PANX1: variants seen among roughly 807,000 people sequenced by gnomAD.
The protein encoded by PANX1 is pannexin 1, also known as pannexin-1.
A neutral mutation model predicts 38.7 loss-of-function variants in PANX1; 30 were observed. That is an observed-to-expected ratio of 0.78 (90% CI 0.58 to 1.05). The LOEUF (loss-of-function observed/expected upper bound fraction) is 1.05. Among genes scored for constraint, PANX1 ranks in the 50% least tolerant of loss-of-function variants. The pLI is 0.00. For synonymous variants in PANX1, 230 were observed against 212.2 expected, an observed-to-expected ratio of 1.08 and a Z score of -0.73; for missense variants, 551 against 517.2, an observed-to-expected ratio of 1.07 and a Z score of -0.63.
chr11:94,145,912 CA>C (rs1412866952), intron 1 of PANX1, among the ~76,000 whole-genome samples: 1 of 152,162 alleles, frequency 6.6e-6, no homozygotes, highest in Non-Finnish European at 1.5e-5. Flanking sequence ...GTTTCCATCT[CA>C]GTTTACAATT....
At chr11:94,132,596 G>A (rs11020655) in intron 1 of PANX1, among the ~76,000 whole-genome samples, 12,243 of 149,660 alleles carry the variant, frequency 0.082, 614 homozygotes, top group Non-Finnish European at 0.11. Flanking sequence ...GTTTGTGTTG[G>A]GGGGGTGGTG....
intron 1 of PANX1, among the ~76,000 whole-genome samples, chr11:94,136,949 T>C (rs7105544): frequency 0.56 from 85,330 of 151,698 alleles, 24,703 homozygotes; most frequent in Admixed American, 0.72. Context: ...AACACAGTCA[T>C]GGCGGAAGGC....
At chr11:94,150,638 C>A (rs1591512166) in intron 1 of PANX1, among the ~76,000 whole-genome samples, 1 of 152,112 alleles carries the variant, frequency 6.6e-6, no homozygotes, top group East Asian at 1.9e-4. Context: ...CCCAGCTGTG[C>A]CGGTCCCCTG....
rs772158311 is a variant in PANX1, at chr11:94,129,285, T to C, written c.-28T>C. On this transcript the variant is annotated 5_prime_UTR_variant, in exon 1 of 5. Coordinates refer to ENST00000227638, the MANE Select transcript of PANX1 (RefSeq NM_015368.4). ...TCCCGACGCCGGCTGTACCCGGACC[T>C]CCTGGTCGAGCCTGGCGCGCCGCAG... 2.0e-5 allele frequency: 31 copies of C among 1,586,690 alleles called. No homozygotes were observed. The Middle Eastern group carries it at 5.1e-4, about 26-fold the overall frequency.
chr11:94,129,503 G>C lies in PANX1; in HGVS notation c.181+10G>C. 2 of 1,601,192 alleles carry C rather than the reference G, an allele frequency of 1.2e-6. No individual in the cohort carries two copies. The highest frequency in any genetic ancestry group is 1.7e-6 in the Non-Finnish European group (2 of 1,171,300). ...CAGGAGATCTCGATTGGTAAGCCTC[G>C]CCCAGGACGGAGGGGAGTGGCCGCC... On this transcript the variant is annotated intron_variant, in intron 1 of 4. Transcript: ENST00000227638.
chr11:94,157,909 A>G (rs2134499985), intron 2 of PANX1, among the ~76,000 whole-genome samples: 1 of 152,202 alleles, frequency 6.6e-6, no homozygotes, highest in East Asian at 1.9e-4. Context: ...ATCTTGAATT[A>G]ATTTTTGTAT....
chr11:94,134,103 C>A (rs144314260), intron 1 of PANX1, among the ~76,000 whole-genome samples: 1 of 152,168 alleles, frequency 6.6e-6, no homozygotes, highest in Non-Finnish European at 1.5e-5. Context: ...GGTTATATTG[C>A]GTGTGCCTCA....
At chr11:94,166,510 G>C (rs570872866) in intron 2 of PANX1, among the ~76,000 whole-genome samples, 13 of 152,184 alleles carry the variant, frequency 8.5e-5, no homozygotes, top group Non-Finnish European at 1.6e-4. Flanking sequence ...GGTTTCCACT[G>C]AAAAGTCTGC....
At chr11:94,157,141 G>C (rs1380486351) in intron 2 of PANX1, among the ~76,000 whole-genome samples, 2 of 151,980 alleles carry the variant, frequency 1.3e-5, no homozygotes, top group Non-Finnish European at 2.9e-5. Context: ...TGGACATTTG[G>C]GTTGGTTCCA....
At position 94,180,232 on chromosome 11, in the gene PANX1, G is replaced by C; in HGVS notation, c.1176G>C (p.Gln392His). ...TPMSAEMREE[Q>H]GNQTAELQGM... ...TGTCTGCAGAGATGAGAGAGGAGCA[G>C]GGGAACCAGACGGCAGAGCTCCAAG... is the stretch of plus-strand genomic sequence containing the variant. Residue 392 changes from glutamine to histidine, a missense_variant, in exon 4 of 5, where the codon CAG becomes CAC. By Grantham distance (24) the Gln-to-His change is conservative (BLOSUM62 0). Transcript: ENST00000227638. The C allele has an allele frequency of 6.2e-7, 1 of 1,607,966 alleles. No individual in the cohort carries two copies. The highest frequency in any genetic ancestry group is 8.5e-7 in the Non-Finnish European group (1 of 1,175,244).
intron 2 of PANX1, among the ~76,000 whole-genome samples, chr11:94,171,404 C>G (rs1456218643): frequency 1.3e-5 from 2 of 151,680 alleles, no homozygotes; most frequent in Non-Finnish European, 2.9e-5. Flanking sequence ...TCTCTTAAGA[C>G]TGTAAGCTTT....
In PANX1 at chr11:94,179,632, G is replaced by A. The variant is rs752341657; in HGVS notation, c.576G>A (p.Lys192=). ...GGGAGGTATCTGAAAGCCACTTCAA[G>A]TACCCAATTGTGGAGCAGTACTTGA... ...SLWEVSESHF[K]YPIVEQYLKT... The change falls in exon 4 of 5, where the codon AAG becomes AAA. Residue 192 remains lysine (K), a synonymous_variant. Transcript: ENST00000227638. 5 of 1,613,514 alleles carry A rather than the reference G, an allele frequency of 3.1e-6. No homozygotes were observed. Among genetic ancestry groups the A allele is most frequent in the Non-Finnish European group, 4.2e-6 (5 of 1,179,782 alleles).
intron 1 of PANX1, among the ~76,000 whole-genome samples, chr11:94,130,312 G>A (rs1289780925): frequency 2.6e-5 from 4 of 152,164 alleles, no homozygotes; most frequent in Non-Finnish European, 4.4e-5. Flanking sequence ...TTTGTCAGAG[G>A]GTGGGTGGGA....
At chr11:94,173,111 C>T (rs1947187247) in intron 2 of PANX1, among the ~76,000 whole-genome samples, 1 of 151,814 alleles carries the variant, frequency 6.6e-6, no homozygotes, top group South Asian at 2.1e-4. Context: ...ACCTGAACAG[C>T]ATATAGCCAG....
rs1046805 is a variant in PANX1 at position 94,181,285 on chromosome 11, G to A, written c.*416G>A. The A allele has an allele frequency of 0.68, 112,946 of 165,214 alleles. 38,954 individuals are homozygous for A. The highest frequency in any genetic ancestry group is 0.81 in the South Asian group (4,694 of 5,792). The allele number at this position is 165,214 out of a possible 1,614,324, so 10.2% of individuals were successfully genotyped here. ...TTTCATGGAATAATAATATGTCAGG[G>A]TATAATTTAACGTGAGTTTCTTATG... is the stretch of plus-strand genomic sequence containing the variant. On this transcript the variant is annotated 3_prime_UTR_variant, in exon 5 of 5. Transcript: ENST00000227638.
At chr11:94,155,039 C>T (rs1946932082) in intron 2 of PANX1, among the ~76,000 whole-genome samples, 1 of 152,012 alleles carries the variant, frequency 6.6e-6, no homozygotes, top group Non-Finnish European at 1.5e-5. Context: ...AACCCCGTCT[C>T]TACTAAAAAT....
At chr11:94,180,422 A>G (rs557865280) in intron 4 of PANX1, among the ~76,000 whole-genome samples, 165 bp downstream of exon 4, 2 of 152,316 alleles carry the variant, frequency 1.3e-5, no homozygotes, top group African/African-American at 4.8e-5. Context: ...ACCCCTCAGT[A>G]TAAGGAGAGA....
intron 1 of PANX1, among the ~76,000 whole-genome samples, chr11:94,147,906 G>A (rs1447935451): frequency 4.6e-5 from 7 of 152,150 alleles, no homozygotes; most frequent in Admixed American, 1.3e-4. Flanking sequence ...GTTGGGGAGG[G>A]AAGCATCTGG....
chr11:94,169,521 T>C (rs1421803701), intron 2 of PANX1, among the ~76,000 whole-genome samples: 1 of 151,688 alleles, frequency 6.6e-6, no homozygotes, highest in African/African-American at 2.4e-5. Context: ...TTTGGAAATA[T>C]AATTATAGCA....
Sources: allele counts gnomAD v4.1 joint callset (sites outside exome capture counted in the v4.1 genomes callset), GRCh38; gene constraint gnomAD v4.1.1; transcripts MANE v1.5; gene names NCBI Gene and HGNC (gene_info 2026-07-23, HGNC 2026-07-21).